Variants in GRIP1 observed in about 807,000 individuals in gnomAD.
GRIP1 encodes glutamate receptor-interacting protein 1.
In GRIP1, 45 loss-of-function variants were observed where a neutral mutation model predicts 129.9. The ratio of observed to expected loss-of-function variants is 0.35; its 90% CI spans 0.27 to 0.44. The LOEUF is 0.44. Ranked by LOEUF, GRIP1 falls within the 20% of genes least tolerant of loss-of-function variation. The pLI, the probability that GRIP1 is intolerant of heterozygous loss-of-function variation, is 1.00. For synonymous variants in GRIP1, 530 were observed against 520.8 expected (o/e 1.02, Z -0.24); for missense variants, 1,196 against 1,396.8 (o/e 0.86, Z 2.29).
In GRIP1 at chr12:66,503,331, AAC is replaced by A. The variant is rs553114575; in HGVS notation, c.724+12286_724+12287del. On this transcript the variant is annotated intron_variant, in intron 7 of 24. Transcript: ENST00000359742. ...AGATGGGCATGCATACAACTTCCTA[AAC>A]ACACTGCACATGCTCACTTCCCAAG... 6.0e-3 allele frequency among the ~76,000 whole-genome samples: 908 copies of A among 152,114 alleles called. 6 individuals carry two copies. Among genetic ancestry groups the A allele is most frequent in the African/African-American group, 0.02 (834 of 41,476 alleles).
At chr12:66,412,766 G>A (rs2057448388) in intron 15 of GRIP1, among the ~76,000 whole-genome samples, 1 of 152,074 alleles carries the variant, frequency 6.6e-6, no homozygotes. Flanking sequence ...GACACACATA[G>A]GCTCAAAATA....
Position 66,392,234 on chromosome 12 carries a change from A to G in GRIP1, c.2464+74T>C, listed in dbSNP as rs1434662336. ...TTAAAGAAAGATATTCTCCTCATGGAGCAGAGGATGAATCTTGGAGAAGCA... is the reference window on the plus strand; with the variant it reads ...TTAAAGAAAGATATTCTCCTCATGGGGCAGAGGATGAATCTTGGAGAAGCA... On this transcript the variant is annotated intron_variant, in intron 19 of 24. Transcript: ENST00000359742. 6.8e-6 allele frequency: 6 copies of G among 882,530 alleles called. No homozygotes were observed. The African/African-American group carries it at 9.7e-5, about 14-fold the overall frequency. 54.7% of individuals were successfully genotyped at this position (882,530 alleles called of 1,614,324 possible). A position where few individuals can be genotyped will look rare whatever the true frequency, so the allele number is the denominator to read the frequency against.
intron 1 of GRIP1, among the ~76,000 whole-genome samples, chr12:66,735,093 G>T (rs535654767): frequency 1.3e-5 from 2 of 152,284 alleles, no homozygotes; most frequent in African/African-American, 4.8e-5. Flanking sequence ...CTGGGACAAA[G>T]AAATGCTCAA....
intron 1 of GRIP1, among the ~76,000 whole-genome samples, chr12:67,001,892 A>T (rs1468372264): frequency 6.6e-6 from 1 of 152,036 alleles, no homozygotes; most frequent in East Asian, 1.9e-4. Context: ...AGCATATCAC[A>T]CCTGACAGGT....
In GRIP1 at chr12:67,064,966, T is replaced by C. The variant is rs1022542664; in HGVS notation, c.58+4084A>G. On this transcript the variant is annotated intron_variant, in intron 1 of 1. Transcript: ENST00000643019. ...CCCTTCCTGTGTCCATGTGTTCTCA[T>C]TGTTCAATTCCCACCTATGAGTGAG... is the stretch of plus-strand genomic sequence containing the variant. The C allele has an allele frequency of 6.6e-5, 9 of 136,622 alleles. No individual in the cohort carries two copies. In the South Asian group the frequency reaches 7.0e-4, roughly 11 times the overall value. 8.5% of individuals were successfully genotyped at this position (136,622 alleles called of 1,614,324 possible).
At chr12:66,500,849 G>C (rs914931768) in intron 7 of GRIP1, among the ~76,000 whole-genome samples, 3 of 152,180 alleles carry the variant, frequency 2.0e-5, no homozygotes, top group Non-Finnish European at 2.9e-5. Flanking sequence ...AGGTGTTACA[G>C]AAAGAAGACA....
At chr12:66,655,611 T>C (rs1418870752) in intron 1 of GRIP1, among the ~76,000 whole-genome samples, 1 of 146,340 alleles carries the variant, frequency 6.8e-6, no homozygotes, top group Non-Finnish European at 1.5e-5. Flanking sequence ...TTGTACTTTT[T>C]TTTTTTTTTT....
At chr12:66,630,649 TATGAGGGCATGGAC>T (rs1339484014) in intron 1 of GRIP1, among the ~76,000 whole-genome samples, 1 of 152,202 alleles carries the variant, frequency 6.6e-6, no homozygotes, top group East Asian at 1.9e-4. Flanking sequence ...TGAGACTGTC[TATGAGGGCATGGAC>T]ATGAGGGCAG....
chr12:67,054,394 C>T (rs998568049), intron 1 of GRIP1, among the ~76,000 whole-genome samples: 9 of 152,094 alleles, frequency 5.9e-5, no homozygotes, highest in African/African-American at 2.2e-4. Context: ...TAACAATAAA[C>T]AGCAGGCATA....
At chr12:66,868,669 C>A (rs1308987595) in intron 1 of GRIP1, among the ~76,000 whole-genome samples, 5 of 151,894 alleles carry the variant, frequency 3.3e-5, no homozygotes, top group African/African-American at 1.2e-4. Flanking sequence ...CTAAAGAATA[C>A]AAAGATTAAA....
chr12:66,934,047 G>A (rs12811330), intron 1 of GRIP1, among the ~76,000 whole-genome samples: 31,408 of 151,976 alleles, frequency 0.21, 3,509 homozygotes, highest in South Asian at 0.26. Context: ...ATTCCCACAA[G>A]AGCACCTTGT....
At chr12:66,895,807 C>A (rs563420258) in intron 1 of GRIP1, among the ~76,000 whole-genome samples, 1 of 152,330 alleles carries the variant, frequency 6.6e-6, no homozygotes, top group Non-Finnish European at 1.5e-5. Flanking sequence ...CTCCATAGTA[C>A]ACTGTGTTTC....
intron 1 of GRIP1, chr12:67,068,994 G>C (rs1031627712): frequency 1.2e-6 from 1 of 852,794 alleles, no homozygotes; most frequent in African/African-American, 1.8e-5. Flanking sequence ...GGGAGGCACC[G>C]GGCGGCCCCG....
At chr12:66,867,299 T>A (rs1415367696) in intron 1 of GRIP1, among the ~76,000 whole-genome samples, 2 of 152,150 alleles carry the variant, frequency 1.3e-5, no homozygotes, top group Non-Finnish European at 2.9e-5. Context: ...TCATATTTTA[T>A]TAAAAGCCCA....
intron 1 of GRIP1, among the ~76,000 whole-genome samples, chr12:66,973,934 T>C (rs2042114142): frequency 6.7e-6 from 1 of 149,922 alleles, no homozygotes; most frequent in Admixed American, 6.6e-5. Flanking sequence ...TTTTTTTTTT[T>C]TTTGAGTCAG....
chr12:66,876,793 T>G (rs1347592586), intron 1 of GRIP1, among the ~76,000 whole-genome samples: 2 of 152,032 alleles, frequency 1.3e-5, no homozygotes, highest in African/African-American at 4.8e-5. Context: ...GTAGGCAAAG[T>G]TCAGTCACAG....
chr12:66,805,136 C>A (rs1001396267), upstream of GRIP1, among the ~76,000 whole-genome samples: 3 of 151,990 alleles, frequency 2.0e-5, no homozygotes, highest in African/African-American at 7.2e-5. Context: ...AAATATAAAC[C>A]TAGCTCAATT....
At chr12:66,777,818 A>G (rs1053255807) in intron 1 of GRIP1, among the ~76,000 whole-genome samples, 2 of 152,316 alleles carry the variant, frequency 1.3e-5, no homozygotes, top group East Asian at 1.9e-4. Context: ...AAGAAAGACT[A>G]AAGAAGGGAA....
chr12:66,858,204 A>T (rs372429992), intron 1 of GRIP1, among the ~76,000 whole-genome samples: 2 of 151,982 alleles, frequency 1.3e-5, no homozygotes, highest in Admixed American at 1.3e-4. Flanking sequence ...TACTGTATAT[A>T]TAAGAGATCA....
Sources: gnomAD v4.1 joint callset for allele counts (sites outside exome capture counted in the v4.1 genomes callset) on GRCh38, gnomAD v4.1.1 for gene constraint, MANE v1.5 for transcripts, NCBI Gene and HGNC (gene_info 2026-07-23, HGNC 2026-07-21) for gene names.